Variants in DENND2A observed in about 807,000 individuals in gnomAD.
DENND2A encodes DENN domain-containing protein 2A.
Under a neutral mutation model 105.3 loss-of-function variants are expected in DENND2A, and 53 were observed. That is an observed-to-expected ratio of 0.50 (90% CI 0.40 to 0.63). DENND2A has a LOEUF of 0.63. Among genes scored for constraint, DENND2A ranks in the 30% least tolerant of loss-of-function variants. DENND2A has a pLI of 0.00. For missense variants in DENND2A, 1,138 were observed against 1,279.6 expected (o/e 0.89, Z 1.69); for synonymous variants, 522 against 508.4 (o/e 1.03, Z -0.36).
chr7:140,528,978 G>A (rs553340166), intron 14 of DENND2A, among the ~76,000 whole-genome samples: 17 of 151,606 alleles, frequency 1.1e-4, no homozygotes, highest in Admixed American at 1.3e-4. Context: ...GGTGATGCAC[G>A]CCTGTAATCC....
At chr7:140,570,062 T>G (rs908473887) in intron 6 of DENND2A, among the ~76,000 whole-genome samples, 2 of 152,074 alleles carry the variant, frequency 1.3e-5, no homozygotes, top group African/African-American at 4.8e-5. Flanking sequence ...GCCCAGCTAA[T>G]TTTTGTATTT....
intron 14 of DENND2A, among the ~76,000 whole-genome samples, chr7:140,530,469 G>A (rs10280493): frequency 0.16 from 23,562 of 151,944 alleles, 3,336 homozygotes; most frequent in African/African-American, 0.38. Flanking sequence ...TCAGGAAATA[G>A]CAGCATGGCA....
rs1299847538 is a variant in DENND2A, at chr7:140,640,138, CAG to C, written c.-248+364_-248+365del. The C allele has an allele frequency of 6.5e-6, 1 of 152,804 alleles. No individual in the cohort carries two copies. The highest frequency in any genetic ancestry group is 2.4e-5 in the African/African-American group (1 of 41,198). The allele number at this position is 152,804 out of a possible 1,614,324, so 9.5% of individuals were successfully genotyped here. ...ACACTCGCACAGACACACTCACACA[CAG>C]ACACACAAGCGCGCACACACACACA... On this transcript the variant is annotated intron_variant, in intron 1 of 19. Coordinates refer to ENST00000496613, the MANE Select transcript of DENND2A (RefSeq NM_015689.5). This position sits in a 1 kb window ranked among gnomAD's most constrained non-coding sequence, Gnocchi z 4.9.
chr7:140,640,491 G>C lies in DENND2A; in HGVS notation c.-248+13C>G, dbSNP rs1363619082. The C allele has an allele frequency of 6.8e-6, 1 of 148,026 alleles. No individual in the cohort carries two copies. Among genetic ancestry groups the C allele is most frequent in the African/African-American group, 2.5e-5 (1 of 40,314 alleles). The allele number at this position is 148,026 out of a possible 1,614,324, so 9.2% of individuals were successfully genotyped here. A position where few individuals can be genotyped will look rare whatever the true frequency, so the allele number is the denominator to read the frequency against. On this transcript the variant is annotated intron_variant, in intron 1 of 19. Transcript: ENST00000496613. This position sits in a 1 kb window ranked among gnomAD's most constrained non-coding sequence, Gnocchi z 4.9. ...AGCTCGACCCTGCACCCCCTGGCCC[G>C]GCCCGGCCCTACCTCCCCGCGGGCG...
chr7:140,521,343 G>A (rs1308701316), intron 18 of DENND2A, among the ~76,000 whole-genome samples: 2 of 151,460 alleles, frequency 1.3e-5, no homozygotes, highest in Non-Finnish European at 2.9e-5. Flanking sequence ...ACATGATCTC[G>A]GCTTATTGCA....
At chr7:140,604,126 T>G (rs996704057) in intron 2 of DENND2A, among the ~76,000 whole-genome samples, 10 of 152,242 alleles carry the variant, frequency 6.6e-5, no homozygotes, top group Admixed American at 3.3e-4. Context: ...GTGCCCATTT[T>G]CTGAATGTAT....
rs780910530 is a variant in DENND2A, at chr7:140,523,332, G to A, written c.2640C>T (p.Asp880=). ...EQRNELACEQ[D]EGPLDGRHGP... is the part of the protein sequence containing the mutation. ...CGTGCCTGCCGTCTAGGGGCCCTTC[G>A]TCCTGCTCACAAGCCAGCTCGTTCC... Residue 880 remains aspartate, a synonymous_variant, in exon 17 of 20, where the codon GAC becomes GAT. Coordinates refer to ENST00000496613, the MANE Select transcript of DENND2A (RefSeq NM_015689.5). This position sits in a 1 kb window ranked among gnomAD's most constrained non-coding sequence, Gnocchi z 4.5. The A allele has an allele frequency of 7.4e-6, 12 of 1,614,054 alleles. No homozygotes were observed. The highest frequency in any genetic ancestry group is 4.4e-5 in the South Asian group (4 of 91,090).
chr7:140,602,788 C>T (rs1019950725), intron 2 of DENND2A, among the ~76,000 whole-genome samples: 13 of 151,540 alleles, frequency 8.6e-5, no homozygotes, highest in Non-Finnish European at 1.6e-4. Flanking sequence ...GCCTGGGCAA[C>T]ATAACAAGAC....
intron 17 of DENND2A, 79 bp from the exon 18 acceptor site, chr7:140,522,179 A>G: frequency 6.4e-7 from 1 of 1,550,532 alleles, no homozygotes; most frequent in Non-Finnish European, 8.8e-7. Context: ...CCAATTGGTA[A>G]TCAAAGAACA....
chr7:140,602,484 A>G lies in DENND2A; in HGVS notation c.-87T>C. The G allele has an allele frequency of 1.4e-6, 2 of 1,414,168 alleles. No individual in the cohort carries two copies. The highest frequency in any genetic ancestry group is 1.9e-6 in the Non-Finnish European group (2 of 1,072,484). 87.6% of individuals were successfully genotyped at this position (1,414,168 alleles called of 1,614,324 possible). A position where few individuals can be genotyped will look rare whatever the true frequency, so the allele number is the denominator to read the frequency against. ...TGATCAGTCTCTAGGAATGGAATGG[A>G]GGACTAAAGTGGATGCCTTCGAGGG... On this transcript the variant is annotated 5_prime_UTR_variant, in exon 3 of 20. Transcript: ENST00000496613.
At chr7:140,631,927 C>T (rs1800748165) in intron 1 of DENND2A, among the ~76,000 whole-genome samples, 1 of 152,090 alleles carries the variant, frequency 6.6e-6, no homozygotes, top group African/African-American at 2.4e-5. Context: ...GGCTGAGAGA[C>T]TAGTCTCACT....
intron 5 of DENND2A, among the ~76,000 whole-genome samples, chr7:140,580,704 T>C (rs1798506842): frequency 1.3e-5 from 2 of 152,048 alleles, no homozygotes; most frequent in Non-Finnish European, 2.9e-5. Context: ...TGGTGCAATC[T>C]CAGCTCACTG....
Position 140,567,169 on chromosome 7 carries a change from C to T in DENND2A, c.1696G>A (p.Glu566Lys), listed in dbSNP as rs745587244. 15 of 1,613,418 alleles carry T rather than the reference C, an allele frequency of 9.3e-6. No individual in the cohort carries two copies. Among genetic ancestry groups the T allele is most frequent in the African/African-American group, 2.7e-5 (2 of 74,878 alleles). ...LIEYQERQLF[E>K]YFVVVSLHKK... ...TGCAAAGACACAACCACAAAGTACT[C>T]GAAGAGCTGCCTCTCCTGGTACTCG... The change falls in exon 9 of 20, where the codon GAG (glutamate) becomes AAG (lysine). Residue 566 changes from glutamate (E) to lysine (K), a missense_variant. Glu to Lys is a moderately conservative substitution (Grantham distance 56). This residue lies in a region of DENND2A where 627 missense variants were observed against 779.8 expected (regional missense o/e 0.80). Transcript: ENST00000496613.
chr7:140,606,510 C>T (rs1278592805), intron 1 of DENND2A, among the ~76,000 whole-genome samples: 1 of 152,180 alleles, frequency 6.6e-6, no homozygotes, highest in Non-Finnish European at 1.5e-5. Context: ...TTTTATTTGA[C>T]ACAAGACATA....
At position 140,527,258 on chromosome 7, in the gene DENND2A, G is replaced by A; in HGVS notation, c.2505+60C>T. On this transcript the variant is annotated intron_variant, in intron 15 of 19. Coordinates refer to ENST00000496613, the MANE Select transcript of DENND2A (RefSeq NM_015689.5). This position sits in a 1 kb window ranked among gnomAD's most constrained non-coding sequence, Gnocchi z 4.9. ...CCGCTCCATGATGCCTGCAGAGCCA[G>A]CGCCCCGCTCTGTTCTCCGCACCCT... is the stretch of plus-strand genomic sequence containing the variant. 1 of 1,465,792 alleles carries A rather than the reference G, an allele frequency of 6.8e-7. No homozygotes were observed. The allele number at this position is 1,465,792 out of a possible 1,614,324, so 90.8% of individuals were successfully genotyped here.
At chr7:140,636,566 G>T (rs1332523397) in intron 1 of DENND2A, among the ~76,000 whole-genome samples, 1 of 152,002 alleles carries the variant, frequency 6.6e-6, no homozygotes, top group Non-Finnish European at 1.5e-5. Context: ...ATACGTGACT[G>T]CTAGAGCAGC....
chr7:140,566,684 A>ATTTTTTTTT (rs3043058), intron 9 of DENND2A, among the ~76,000 whole-genome samples: 5 of 113,216 alleles, frequency 4.4e-5, no homozygotes, highest in South Asian at 2.8e-4. Context: ...TGGCCATACT[A>ATTTTTTTTT]TTTTTTTTTT....
chr7:140,602,009 T>G lies in DENND2A; in HGVS notation c.389A>C (p.Gln130Pro). ...GCTAGGATCCACTTCCCGTTCTGGC[T>G]GGCTTAGGTCTTGCCCCGGCTCTGG... ...QDPEPGQDLS[Q>P]PEREVDPSWG... The change falls in exon 3 of 20, where the codon CAG becomes CCG. Residue 130 changes from glutamine (Q) to proline (P), a missense_variant. Coordinates refer to ENST00000496613, the MANE Select transcript of DENND2A (RefSeq NM_015689.5). 1 of 1,614,218 alleles carries G rather than the reference T, an allele frequency of 6.2e-7. No homozygotes were observed. The highest frequency in any genetic ancestry group is 8.5e-7 in the Non-Finnish European group (1 of 1,180,030).
rs371899909 is a variant in DENND2A at position 140,601,528 on chromosome 7, C to T, written c.870G>A (p.Arg290=). The T allele has an allele frequency of 2.1e-4, 346 of 1,614,170 alleles. No homozygotes were observed. The African/African-American group carries it at 3.9e-3, about 18-fold the overall frequency. The change falls in exon 3 of 20, where the codon AGG becomes AGA. Residue 290 remains arginine (R), a synonymous_variant. Coordinates refer to ENST00000496613, the MANE Select transcript of DENND2A (RefSeq NM_015689.5). Reference sequence around the variant, plus strand: ...GAGGAGGCAGATTTCTTTTCTCTTTCCTGAAGCCGATGCCAGGCTTCCCAT... The same window carrying T: ...GAGGAGGCAGATTTCTTTTCTCTTTTCTGAAGCCGATGCCAGGCTTCCCAT... The part of the protein sequence containing the change: ...DKDGKPGIGF[R]KEKRNLPPLP...
Sources: gnomAD v4.1 joint callset for allele counts (sites outside exome capture counted in the v4.1 genomes callset) on GRCh38, gnomAD v4.1.1 for gene constraint, gnomAD v4.1.1 regional missense constraint, Gnocchi (gnomAD v3.1) non-coding constraint, MANE v1.5 for transcripts, NCBI Gene and HGNC (gene_info 2026-07-23, HGNC 2026-07-21) for gene names.